Variants in RPS23 observed in about 807,000 individuals in gnomAD.
The protein encoded by RPS23 is small ribosomal subunit protein uS12.
For missense variants in RPS23, 73 were observed against 174.5 expected (o/e 0.42, Z 3.28); for synonymous variants, 66 against 60.4 (o/e 1.09, Z -0.43).
intron 1 of RPS23, 66 bp from the exon 2 acceptor site, chr5:82,277,918 A>G: frequency 7.2e-7 from 1 of 1,392,782 alleles, no homozygotes; most frequent in Non-Finnish European, 1.0e-6. Context: ...ATCTTCTAAG[A>G]CACTCGCCTC....
intron 1 of RPS23, 69 bp from the exon 2 acceptor site, chr5:82,277,921 C>A (rs1747955615): frequency 7.4e-7 from 1 of 1,350,630 alleles, no homozygotes; most frequent in South Asian, 1.2e-5. Context: ...TTCTAAGACA[C>A]TCGCCTCACC....
chr5:82,277,875 C>T (rs756216144), intron 1 of RPS23, 23 bp from the exon 2 acceptor site: 11 of 1,608,470 alleles, frequency 6.8e-6, no homozygotes, highest in South Asian at 3.3e-5. Flanking sequence ...TATTTTAGTT[C>T]TTCCGTAAAA....
Position 82,277,865 on chromosome 5 carries a change from T to C in RPS23, c.5-13A>G. On this transcript the variant is annotated splice_polypyrimidine_tract_variant and intron_variant, in intron 1 of 3. Transcript: ENST00000296674. ...CCACGACACTTGCCTAAAAATTAAA[T>C]ATTTTAGTTCTTCCGTAAAAACACG... The C allele has an allele frequency of 1.2e-6, 2 of 1,609,460 alleles. No individual in the cohort carries two copies. The highest frequency in any genetic ancestry group is 1.7e-6 in the Non-Finnish European group (2 of 1,177,820).
chr5:82,277,595 T>C, intron 2 of RPS23, 98 bp downstream of exon 2: 1 of 1,232,382 alleles, frequency 8.1e-7, no homozygotes, highest in Non-Finnish European at 1.2e-6. Flanking sequence ...TGAATACTAC[T>C]ACACAAAAAC....
chr5:82,278,292 C>T, intron 1 of RPS23, 28 bp downstream of exon 1: 1 of 1,607,622 alleles, frequency 6.2e-7, no homozygotes, highest in Non-Finnish European at 8.5e-7. Context: ...CCGCTTGCAG[C>T]GCCCTTAAAC....
intron 1 of RPS23, 87 bp from the exon 2 acceptor site, chr5:82,277,939 A>G: frequency 8.1e-7 from 1 of 1,232,130 alleles, no homozygotes; most frequent in Non-Finnish European, 1.2e-6. Flanking sequence ...ACCTGGAATA[A>G]ACCCTTAAGC....
chr5:82,275,991 T>C lies in RPS23; in HGVS notation c.*118A>G. ...GTTTGCTGGTTTAGGATAAAAAAAA[T>C]AAGGGGGGGTGGTGGTGGTAATGAA... On this transcript the variant is annotated 3_prime_UTR_variant, in exon 4 of 4. Transcript: ENST00000296674. 1 of 961,274 alleles carries C rather than the reference T, an allele frequency of 1.0e-6. No homozygotes were observed. The highest frequency in any genetic ancestry group is 1.6e-6 in the Non-Finnish European group (1 of 642,206). 59.5% of individuals were successfully genotyped at this position (961,274 alleles called of 1,614,324 possible).
rs548690609 is a variant in RPS23 at position 82,278,350 on chromosome 5, A to C, written c.-27T>G. On this transcript the variant is annotated 5_prime_UTR_variant, in exon 1 of 4. Coordinates refer to ENST00000296674, the MANE Select transcript of RPS23 (RefSeq NM_001025.5). Reference sequence around the variant, plus strand: ...CTGTCGGCGCCACGGGCCTGAGCGAAAGAGAGAAGCACCGCAGGAAGGAGC... The same window carrying C: ...CTGTCGGCGCCACGGGCCTGAGCGACAGAGAGAAGCACCGCAGGAAGGAGC... 4 of 1,607,002 alleles carry C rather than the reference A, an allele frequency of 2.5e-6. No individual in the cohort carries two copies. Among genetic ancestry groups the C allele is most frequent in the Admixed American group, 3.4e-5 (2 of 59,334 alleles).
chr5:82,274,056 A>C lies in RPS23; in HGVS notation c.*2053T>G, dbSNP rs1252768766. ...TAGATATATGATCCATTTTGAGTTA[A>C]GTTTGTATTACATGTAAGGTTGGGG... On this transcript the variant is annotated 3_prime_UTR_variant, in exon 4 of 4. Coordinates refer to ENST00000296674, the MANE Select transcript of RPS23 (RefSeq NM_001025.5). 1 of 152,126 alleles carries C rather than the reference A, an allele frequency of 6.6e-6. No homozygotes were observed. The highest frequency in any genetic ancestry group is 2.4e-5 in the African/African-American group (1 of 41,400). The allele number at this position is 152,126 out of a possible 1,614,324, so 9.4% of individuals were successfully genotyped here.
At position 82,274,845 on chromosome 5, in the gene RPS23, A is replaced by C. The variant is rs1747737217; in HGVS notation, c.*1264T>G. On this transcript the variant is annotated 3_prime_UTR_variant, in exon 4 of 4. Transcript: ENST00000296674. The stretch of plus-strand genomic sequence containing the variant: ...CCTTTCCGCCCTTGCGGAGGGAGAG[A>C]CTAGCATCATCATCAAGAGATAAAC... The C allele has an allele frequency of 4.4e-6, 1 of 227,804 alleles. No homozygotes were observed. Among genetic ancestry groups the C allele is most frequent in the Non-Finnish European group, 8.7e-6 (1 of 114,644 alleles). 14.1% of individuals were successfully genotyped at this position (227,804 alleles called of 1,614,324 possible).
intron 2 of RPS23, 66 bp from the exon 3 acceptor site, chr5:82,276,584 TAG>T: frequency 6.3e-7 from 1 of 1,584,518 alleles, no homozygotes. Flanking sequence ...TCATATTAAC[TAG>T]AGAACTAATG....
At position 82,275,270 on chromosome 5, in the gene RPS23, A is replaced by C. The variant is rs981214365; in HGVS notation, c.*839T>G. On this transcript the variant is annotated 3_prime_UTR_variant, in exon 4 of 4. Transcript: ENST00000296674. ...GCAGAAGGCTCACAGCTTCATTTCAACCATGCCACTGTATCCATGAAAACT... is the reference window on the plus strand; with the variant it reads ...GCAGAAGGCTCACAGCTTCATTTCACCCATGCCACTGTATCCATGAAAACT... 27 of 702,518 alleles carry C rather than the reference A, an allele frequency of 3.8e-5. No homozygotes were observed. Among genetic ancestry groups the C allele is most frequent in the Non-Finnish European group, 7.0e-5 (27 of 385,022 alleles). The allele number at this position is 702,518 out of a possible 1,614,324, so 43.5% of individuals were successfully genotyped here.
At chr5:82,278,154 C>T in intron 1 of RPS23, 166 bp downstream of exon 1, 1 of 913,532 alleles carries the variant, frequency 1.1e-6, no homozygotes, top group South Asian at 1.7e-5. Context: ...GCCTCATGGG[C>T]CCCTTCCGCG....
At chr5:82,278,173 C>T (rs226198) in intron 1 of RPS23, 147 bp downstream of exon 1, 670,412 of 853,030 alleles carry the variant, frequency 0.79, 269,080 homozygotes, top group East Asian at 1. Flanking sequence ...CGCCGGACCA[C>T]GTGCCTCCTG....
chr5:82,277,522 A>C, intron 2 of RPS23, 171 bp downstream of exon 2: 1 of 710,518 alleles, frequency 1.4e-6, no homozygotes. Context: ...AATTCCCAAA[A>C]ACTAATTTTA....
chr5:82,276,067 G>A lies in RPS23; in HGVS notation c.*42C>T. On this transcript the variant is annotated 3_prime_UTR_variant, in exon 4 of 4. Transcript: ENST00000296674. ...GACAGTAAGATACAAACATTTTTTG[G>A]CATATGAAAATTTATTACTACAGTG... 6.4e-6 allele frequency: 10 copies of A among 1,564,312 alleles called. No homozygotes were observed. Among genetic ancestry groups the A allele is most frequent in the South Asian group, 1.2e-5 (1 of 85,752 alleles).
Position 82,276,054 on chromosome 5 carries a change from C to T in RPS23, c.*55G>A. The T allele has an allele frequency of 6.5e-7, 1 of 1,528,376 alleles. No individual in the cohort carries two copies. The highest frequency in any genetic ancestry group is 1.9e-5 in the Admixed American group (1 of 53,622). The allele number at this position is 1,528,376 out of a possible 1,614,324, so 94.7% of individuals were successfully genotyped here. A position where few individuals can be genotyped will look rare whatever the true frequency, so the allele number is the denominator to read the frequency against. On this transcript the variant is annotated 3_prime_UTR_variant, in exon 4 of 4. Transcript: ENST00000296674. ...GGTGAGAACAGGGGACAGTAAGATA[C>T]AAACATTTTTTGGCATATGAAAATT...
intron 2 of RPS23, among the ~76,000 whole-genome samples, chr5:82,277,107 C>T (rs1378028760): frequency 7.0e-6 from 1 of 143,418 alleles, no homozygotes; most frequent in Non-Finnish European, 1.5e-5. Context: ...AATGCTTGAA[C>T]CTGGGAGGCT....
rs1747740341 is a variant in RPS23, at chr5:82,274,962, T to G, written c.*1147A>C. ...CAGGAACAGAGGTCCTGAGGCTGGA[T>G]ATGGAACCCAAGTTTGAGGATGACC... is the stretch of plus-strand genomic sequence containing the variant. On this transcript the variant is annotated 3_prime_UTR_variant, in exon 4 of 4. Transcript: ENST00000296674. The G allele has an allele frequency of 2.1e-6, 1 of 472,234 alleles. No individual in the cohort carries two copies. The highest frequency in any genetic ancestry group is 1.9e-5 in the African/African-American group (1 of 51,424). The allele number at this position is 472,234 out of a possible 1,614,324, so 29.3% of individuals were successfully genotyped here. A position where few individuals can be genotyped will look rare whatever the true frequency, so the allele number is the denominator to read the frequency against.
Sources: allele counts gnomAD v4.1 joint callset (sites outside exome capture counted in the v4.1 genomes callset), GRCh38; gene constraint gnomAD v4.1.1; transcripts MANE v1.5; gene names NCBI Gene and HGNC (gene_info 2026-07-23, HGNC 2026-07-21).